CYLC2: variants seen among roughly 807,000 people sequenced by gnomAD.
CYLC2 encodes cylicin 2.
In CYLC2, 30 loss-of-function variants were observed where a neutral mutation model predicts 26.1. The observed-to-expected ratio is 1.15, with a 90% CI of 0.86 to 1.56. The LOEUF (loss-of-function observed/expected upper bound fraction) is 1.56, where lower values mean the gene tolerates loss of function less well. Ranked by LOEUF, CYLC2 falls within the 40% of genes most tolerant of loss-of-function variation. The pLI is 0.00. For synonymous variants in CYLC2, 158 were observed against 132.8 expected (o/e 1.19, Z -1.31); for missense variants, 498 against 394.4 (o/e 1.26, Z -2.23).
chr9:103,001,211 T>C (rs1829285037), intron 1 of CYLC2, among the ~76,000 whole-genome samples: 1 of 151,766 alleles, frequency 6.6e-6, no homozygotes, highest in Non-Finnish European at 1.5e-5. Flanking sequence ...GAGCATGAAC[T>C]GGGAAAAATA....
chr9:103,010,575 G>T (rs2118254075), intron 5 of CYLC2: 1 of 152,166 alleles, frequency 6.6e-6, no homozygotes. Flanking sequence ...TAGTGTAATT[G>T]TTTGTGGATT....
At chr9:103,009,355 T>C (rs1025213781) in intron 5 of CYLC2, among the ~76,000 whole-genome samples, 1 of 151,938 alleles carries the variant, frequency 6.6e-6, no homozygotes, top group African/African-American at 2.4e-5. Flanking sequence ...ACAAGAGCTC[T>C]TCACCACATC....
chr9:103,010,226 C>T (rs1829393315), intron 5 of CYLC2, among the ~76,000 whole-genome samples: 1 of 151,814 alleles, frequency 6.6e-6, no homozygotes, highest in African/African-American at 2.4e-5. Context: ...AGTTTTATAC[C>T]AAATTACTTT....
rs776540560 is a variant in CYLC2 at position 103,005,492 on chromosome 9, T to A, written c.861T>A (p.Asp287Glu). The change falls in exon 5 of 8, where the codon GAT (aspartate) becomes GAA (glutamate). Residue 287 changes from aspartate (D) to glutamate (E), a missense_variant. Coordinates refer to ENST00000374798, the MANE Select transcript of CYLC2 (RefSeq NM_001340.5). ...PSSTDSDSKD[D>E]VKKESKKDAT... ...GTACAGACAGTGACTCAAAGGATGA[T>A]GTCAAGAAAGAGTCTAAGAAGGACG... 4 of 1,613,556 alleles carry A rather than the reference T, an allele frequency of 2.5e-6. No individual in the cohort carries two copies. Among genetic ancestry groups the A allele is most frequent in the Non-Finnish European group, 3.4e-6 (4 of 1,179,816 alleles).
chr9:103,012,321 T>C (rs931909515), intron 6 of CYLC2, among the ~76,000 whole-genome samples: 1 of 152,080 alleles, frequency 6.6e-6, no homozygotes, highest in African/African-American at 2.4e-5. Context: ...TTCAGTCATT[T>C]AGTATTTTTA....
intron 2 of CYLC2, among the ~76,000 whole-genome samples, chr9:103,002,516 C>A (rs961103844): frequency 6.6e-6 from 1 of 151,856 alleles, no homozygotes. Flanking sequence ...CAGGCGCCTG[C>A]CACCACACCT....
chr9:103,017,293 T>C (rs1829517245), intron 7 of CYLC2, among the ~76,000 whole-genome samples: 2 of 152,010 alleles, frequency 1.3e-5, no homozygotes, highest in African/African-American at 4.8e-5. Flanking sequence ...CAAAAAATAT[T>C]ACAAAGTTGG....
rs1587852149 is a variant in CYLC2 at position 103,005,317 on chromosome 9, A to G, written c.686A>G (p.Asp229Gly). The change falls in exon 5 of 8, where the codon GAT becomes GGT. Residue 229 changes from aspartate to glycine, a missense_variant. By Grantham distance (94) the Asp-to-Gly change is moderately conservative (BLOSUM62 -1). Coordinates refer to ENST00000374798, the MANE Select transcript of CYLC2 (RefSeq NM_001340.5). The stretch of plus-strand genomic sequence containing the variant: ...AAAAAGGATTCAAAGAAGGGCAAGG[A>G]TTCAGCCATAGAATTACAAGCTGTA... The part of the protein sequence containing the change: ...KGKKDSKKGK[D>G]SAIELQAVKA... The G allele has an allele frequency of 6.2e-7, 1 of 1,613,894 alleles. No individual in the cohort carries two copies. Among genetic ancestry groups the G allele is most frequent in the Middle Eastern group, 1.7e-4 (1 of 6,060 alleles).
Position 103,005,517 on chromosome 9 carries a change from G to A in CYLC2, c.886G>A (p.Ala296Thr), listed in dbSNP as rs199562230. 44 of 1,612,328 alleles carry A rather than the reference G, an allele frequency of 2.7e-5. No individual in the cohort carries two copies. The highest frequency in any genetic ancestry group is 1.6e-4 in the Middle Eastern group (1 of 6,080). Residue 296 changes from alanine (A) to threonine (T), a missense_variant, in exon 5 of 8, where the codon GCC (alanine) becomes ACC (threonine). Physicochemically the swap from Ala to Thr is moderately conservative, Grantham distance 58 (BLOSUM62 0). Coordinates refer to ENST00000374798, the MANE Select transcript of CYLC2 (RefSeq NM_001340.5). ...DDVKKESKKD[A>T]TKDAKKVAKK... ...TGTCAAGAAAGAGTCTAAGAAGGAC[G>A]CCACGAAAGATGCCAAGAAAGTTGC...
chr9:102,996,584 ATTTC>A (rs370113961), intron 1 of CYLC2, among the ~76,000 whole-genome samples: 171 of 152,004 alleles, frequency 1.1e-3, no homozygotes, highest in African/African-American at 3.8e-3. Context: ...AAATTAGCAT[ATTTC>A]TTTGAGTTCA....
chr9:103,004,881 C>A (rs751523114), intron 4 of CYLC2, 30 bp downstream of exon 4: 112 of 1,590,828 alleles, frequency 7.0e-5, no homozygotes, highest in Middle Eastern at 1.7e-4. Context: ...TTTATAGTAT[C>A]TCTGTAATTT....
At chr9:103,008,350 G>A (rs564521012) in intron 5 of CYLC2, among the ~76,000 whole-genome samples, 1 of 151,830 alleles carries the variant, frequency 6.6e-6, no homozygotes, top group South Asian at 2.1e-4. Flanking sequence ...TTACATCTAT[G>A]TTGTTTTCTC....
chr9:103,011,795 A>G (rs1016174493), intron 5 of CYLC2, among the ~76,000 whole-genome samples, 187 bp from the exon 6 acceptor site: 1 of 152,058 alleles, frequency 6.6e-6, no homozygotes, highest in South Asian at 2.1e-4. Context: ...AGCTATTTGC[A>G]TAATTTTTAT....
chr9:103,001,219 A>C (rs572844333), intron 1 of CYLC2, among the ~76,000 whole-genome samples: 1 of 151,902 alleles, frequency 6.6e-6, no homozygotes, highest in South Asian at 2.1e-4. Flanking sequence ...ACTGGGAAAA[A>C]TAATTCAACT....
Position 103,005,177 on chromosome 9 carries a change from A to C in CYLC2, c.546A>C (p.Lys182Asn). 6.2e-7 allele frequency: 1 copy of C among 1,606,062 alleles called. No individual in the cohort carries two copies. The highest frequency in any genetic ancestry group is 8.5e-7 in the Non-Finnish European group (1 of 1,177,930). ...KDSATESEDE[K>N]GGAKKDNKKD... The stretch of plus-strand genomic sequence containing the variant: ...CAGCAACAGAATCTGAAGATGAAAA[A>C]GGAGGTGCAAAGAAAGATAACAAAA... Residue 182 changes from lysine to asparagine, a missense_variant, in exon 5 of 8, where the codon AAA becomes AAC. Lys to Asn is a moderately conservative substitution (Grantham distance 94). Coordinates refer to ENST00000374798, the MANE Select transcript of CYLC2 (RefSeq NM_001340.5).
intron 2 of CYLC2, among the ~76,000 whole-genome samples, chr9:103,002,941 G>T (rs1196798671): frequency 1.3e-5 from 2 of 152,086 alleles, no homozygotes; most frequent in East Asian, 3.9e-4. Flanking sequence ...ACAGTCATCT[G>T]TAAAACTGCT....
At chr9:103,004,655 C>T (rs372308269) in intron 3 of CYLC2, 40 bp from the exon 4 acceptor site, 6 of 1,403,144 alleles carry the variant, frequency 4.3e-6, no homozygotes, top group Non-Finnish European at 5.9e-6. Flanking sequence ...CTGTGTTATT[C>T]ACTCACAAGT....
At chr9:102,996,371 T>G (rs1829237359) in intron 1 of CYLC2, among the ~76,000 whole-genome samples, 2 of 151,942 alleles carry the variant, frequency 1.3e-5, no homozygotes, top group Admixed American at 6.6e-5. Context: ...GATGGTATTA[T>G]TGTTATCATG....
chr9:103,004,875 T>C (rs1266700102), intron 4 of CYLC2, 24 bp downstream of exon 4: 1 of 1,596,012 alleles, frequency 6.3e-7, no homozygotes, highest in Non-Finnish European at 8.5e-7. Context: ...ACTGTTTTTA[T>C]AGTATCTCTG....
Sources: allele counts gnomAD v4.1 joint callset (sites outside exome capture counted in the v4.1 genomes callset), GRCh38; gene constraint gnomAD v4.1.1; transcripts MANE v1.5; gene names NCBI Gene and HGNC (gene_info 2026-07-23, HGNC 2026-07-21).